MORC1: variants seen among roughly 807,000 people sequenced by gnomAD.
MORC1 encodes MORC family CW-type zinc finger protein 1.
In MORC1, 59 loss-of-function variants were observed where a neutral mutation model predicts 134.9. That is an observed-to-expected ratio of 0.44 (90% CI 0.35 to 0.54). The LOEUF is 0.54. Among genes scored for constraint, MORC1 ranks in the 20% least tolerant of loss-of-function variants. The pLI, the probability that MORC1 is intolerant of heterozygous loss-of-function variation, is 0.00. For missense variants in MORC1, 947 were observed against 1,134.5 expected, an observed-to-expected ratio of 0.83 and a Z score of 2.37; for synonymous variants, 395 against 391.7, an observed-to-expected ratio of 1.01 and a Z score of -0.10.
At chr3:109,058,762 G>A (rs1950016837) in intron 12 of MORC1, among the ~76,000 whole-genome samples, 1 of 151,982 alleles carries the variant, frequency 6.6e-6, no homozygotes, top group South Asian at 2.1e-4. Flanking sequence ...TACCTAAATA[G>A]GGTATTACAG....
intron 16 of MORC1, among the ~76,000 whole-genome samples, chr3:109,030,160 C>A (rs1036790885): frequency 6.6e-6 from 1 of 152,156 alleles, no homozygotes; most frequent in Non-Finnish European, 1.5e-5. Flanking sequence ...TAAATATAGA[C>A]AATGACACTT....
chr3:109,064,481 A>G (rs1272601584), intron 9 of MORC1, among the ~76,000 whole-genome samples: 1 of 152,134 alleles, frequency 6.6e-6, no homozygotes, highest in Non-Finnish European at 1.5e-5. Context: ...GATCAGAACA[A>G]CTTGCAGAAA....
At position 108,977,970 on chromosome 3, in the gene MORC1, C is replaced by T. The variant is rs202004468; in HGVS notation, c.2477+1545G>A. Among the ~76,000 whole-genome samples, 104 of 152,198 alleles carry T rather than the reference C, an allele frequency of 6.8e-4. 1 individual carries two copies. The East Asian group carries it at 0.019, about 28-fold the overall frequency. On this transcript the variant is annotated intron_variant, in intron 24 of 27. Coordinates refer to ENST00000232603, the MANE Select transcript of MORC1 (RefSeq NM_014429.4). The stretch of plus-strand genomic sequence containing the variant: ...TCAGCTCACTGCAAGCTCCGCCTCC[C>T]GGGTTCACGCCATTCTCCTGCCTCA...
chr3:108,986,800 A>T (rs1947905074), intron 22 of MORC1, 80 bp downstream of exon 22: 1 of 980,092 alleles, frequency 1.0e-6, no homozygotes, highest in East Asian at 2.7e-5. Context: ...TGATCTATAT[A>T]TCAGGCTGTC....
intron 2 of MORC1, among the ~76,000 whole-genome samples, chr3:109,112,998 G>A (rs758954063): frequency 3.7e-4 from 57 of 152,098 alleles, no homozygotes; most frequent in Non-Finnish European, 5.9e-4. Context: ...GATTTTACTT[G>A]TCCTCCTTTG....
chr3:109,117,289 A>G (rs759934440), intron 1 of MORC1, among the ~76,000 whole-genome samples: 6 of 149,168 alleles, frequency 4.0e-5, no homozygotes, highest in Non-Finnish European at 7.4e-5. Context: ...CATCCCTGAT[A>G]TCTGTTCCTA....
chr3:108,969,455 G>A (rs1402060963), intron 26 of MORC1, among the ~76,000 whole-genome samples: 1 of 152,106 alleles, frequency 6.6e-6, no homozygotes. Context: ...TACTCCAAGT[G>A]TTTCATAGCT....
chr3:109,081,432 G>C (rs1950516936), intron 8 of MORC1, among the ~76,000 whole-genome samples: 1 of 150,276 alleles, frequency 6.7e-6, no homozygotes. Context: ...AAAATTCTTA[G>C]CAGATGGTAC....
intron 24 of MORC1, among the ~76,000 whole-genome samples, chr3:108,975,595 G>T (rs1336464096): frequency 6.6e-6 from 1 of 152,056 alleles, no homozygotes; most frequent in Admixed American, 6.6e-5. Flanking sequence ...GTTATATAAT[G>T]CTAGGCAAAT....
intron 16 of MORC1, among the ~76,000 whole-genome samples, chr3:109,030,589 G>A (rs540296318): frequency 5.3e-5 from 8 of 152,260 alleles, no homozygotes; most frequent in Admixed American, 3.3e-4. Context: ...TTAATATCAT[G>A]TCAGTATATT....
chr3:108,996,627 C>A (rs1948237794), intron 21 of MORC1, among the ~76,000 whole-genome samples: 1 of 152,170 alleles, frequency 6.6e-6, no homozygotes, highest in Admixed American at 6.5e-5. Flanking sequence ...AAATGATGTG[C>A]AAGGTCTTGC....
intron 21 of MORC1, among the ~76,000 whole-genome samples, chr3:108,988,747 T>C (rs190478730): frequency 6.6e-5 from 10 of 152,294 alleles, no homozygotes; most frequent in African/African-American, 2.2e-4. Flanking sequence ...TCAAACAAGA[T>C]GAAAGTATCC....
intron 17 of MORC1, among the ~76,000 whole-genome samples, chr3:109,011,528 T>TTG (rs1301263185): frequency 1.3e-5 from 2 of 151,716 alleles, no homozygotes; most frequent in African/African-American, 4.8e-5. Context: ...GTTTTTGTTT[T>TTG]TTTTTTTTTT....
At chr3:109,075,001 G>A (rs1950390683) in intron 8 of MORC1, among the ~76,000 whole-genome samples, 2 of 152,116 alleles carry the variant, frequency 1.3e-5, no homozygotes, top group Non-Finnish European at 2.9e-5. Flanking sequence ...CAAGTCACTC[G>A]ATGGCATATC....
intron 24 of MORC1, among the ~76,000 whole-genome samples, chr3:108,979,282 G>A (rs1947646604): frequency 6.6e-6 from 1 of 152,152 alleles, no homozygotes; most frequent in Admixed American, 6.5e-5. Flanking sequence ...TTCAAGAGAA[G>A]ACTAATGTCC....
At chr3:108,965,657 TAC>T (rs1409756776) in intron 26 of MORC1, among the ~76,000 whole-genome samples, 1 of 152,186 alleles carries the variant, frequency 6.6e-6, no homozygotes, top group Non-Finnish European at 1.5e-5. Context: ...CATACAACTA[TAC>T]ACACACATTT....
intron 2 of MORC1, among the ~76,000 whole-genome samples, chr3:109,111,676 G>C (rs926374514): frequency 2.0e-5 from 3 of 152,150 alleles, no homozygotes; most frequent in Non-Finnish European, 2.9e-5. Flanking sequence ...TGAGGAAGAA[G>C]GTAAGTTAAG....
intron 20 of MORC1, among the ~76,000 whole-genome samples, chr3:109,001,139 T>G (rs1247101331): frequency 2.0e-5 from 3 of 152,122 alleles, no homozygotes; most frequent in African/African-American, 7.2e-5. Flanking sequence ...TCTTTTTATT[T>G]TTATTTTTTT....
At chr3:109,038,178 T>C (rs1193477843) in intron 14 of MORC1, among the ~76,000 whole-genome samples, 5 of 152,252 alleles carry the variant, frequency 3.3e-5, no homozygotes, top group Non-Finnish European at 2.9e-5. Flanking sequence ...CTGATTTGCA[T>C]TTCTCTGATG....
Sources: allele counts gnomAD v4.1 joint callset (sites outside exome capture counted in the v4.1 genomes callset), GRCh38; gene constraint gnomAD v4.1.1; transcripts MANE v1.5; gene names NCBI Gene and HGNC (gene_info 2026-07-23, HGNC 2026-07-21).